ADD3: variants seen among roughly 807,000 people sequenced by gnomAD.
ADD3 encodes the protein gamma-adducin.
ADD3 carries 25 observed loss-of-function variants against 80.2 expected under a neutral mutation model. The observed-to-expected ratio is 0.31, with a 90% CI of 0.23 to 0.44. The LOEUF (loss-of-function observed/expected upper bound fraction) is 0.44, where lower values mean the gene tolerates loss of function less well. ADD3 is among the 20% of genes least tolerant of loss of function. The pLI, the probability that ADD3 is intolerant of heterozygous loss-of-function variation, is 1.00. For synonymous variants in ADD3, 284 were observed against 289.6 expected (o/e 0.98, Z 0.20); for missense variants, 829 against 847.5 (o/e 0.98, Z 0.27).
At chr10:110,123,941 T>G in intron 9 of ADD3, 76 bp from the exon 10 acceptor site, 1 of 1,437,882 alleles carries the variant, frequency 7.0e-7, no homozygotes, top group South Asian at 1.3e-5. Context: ...ATCATTTGTA[T>G]ACAAAAGGAA....
chr10:110,082,123 G>A (rs1846128579), intron 1 of ADD3, among the ~76,000 whole-genome samples: 1 of 152,112 alleles, frequency 6.6e-6, no homozygotes. Flanking sequence ...AGGAAATGCT[G>A]TTTTTCAATG....
intron 1 of ADD3, among the ~76,000 whole-genome samples, chr10:110,027,449 A>G (rs1174105264): frequency 1.3e-5 from 2 of 152,370 alleles, no homozygotes; most frequent in East Asian, 3.9e-4. Context: ...AAATTTTTAA[A>G]GAAACGGGCG....
At chr10:109,998,661 A>T (rs61881586) in intron 1 of ADD3, among the ~76,000 whole-genome samples, 1 of 151,918 alleles carries the variant, frequency 6.6e-6, no homozygotes, top group Non-Finnish European at 1.5e-5. Context: ...TCCTTCAGTC[A>T]CAGTGTTTGA....
intron 1 of ADD3, among the ~76,000 whole-genome samples, chr10:110,063,772 TATATATATATAA>T (rs1329149438): frequency 7.8e-5 from 9 of 115,188 alleles, no homozygotes; most frequent in South Asian, 5.4e-4. Context: ...TATATATATA[TATATATATATAA>T]AGTGAACACC....
intron 1 of ADD3, among the ~76,000 whole-genome samples, chr10:110,000,494 A>C (rs1382556197): frequency 2.0e-5 from 3 of 152,244 alleles, no homozygotes; most frequent in Non-Finnish European, 4.4e-5. Flanking sequence ...TTGAGCACCT[A>C]CTATGTGCCA....
Position 110,126,410 on chromosome 10 carries a change from A to G in ADD3, c.1522-7A>G. On this transcript the variant is annotated splice_region_variant and splice_polypyrimidine_tract_variant and intron_variant, in intron 11 of 14. Coordinates refer to ENST00000356080, the MANE Select transcript of ADD3 (RefSeq NM_016824.5). ...AGAACTTTATATTGAATTGTTTTTC[A>G]ATTCAGATTCGGGAACAAAATCGAT... 1 of 1,611,018 alleles carries G rather than the reference A, an allele frequency of 6.2e-7. No homozygotes were observed. Among genetic ancestry groups the G allele is most frequent in the Non-Finnish European group, 8.5e-7 (1 of 1,178,068 alleles).
intron 1 of ADD3, among the ~76,000 whole-genome samples, chr10:110,000,070 C>T: frequency 6.6e-6 from 1 of 152,062 alleles, no homozygotes; most frequent in East Asian, 1.9e-4. Context: ...CAGGCATGCA[C>T]CATCATGCGC....
At chr10:110,131,913 G>C (rs529654776) in intron 13 of ADD3, among the ~76,000 whole-genome samples, 45 of 152,218 alleles carry the variant, frequency 3.0e-4, no homozygotes, top group African/African-American at 1.1e-3. Flanking sequence ...ATTAAATATT[G>C]TTCAAAAATT....
chr10:110,077,892 A>G (rs10787223), intron 1 of ADD3, among the ~76,000 whole-genome samples: 80,274 of 151,760 alleles, frequency 0.53, 23,556 homozygotes, highest in East Asian at 0.78. Context: ...GTGGGCATGT[A>G]GAGAGAGAGA....
At chr10:110,023,732 T>C (rs1053005421) in intron 1 of ADD3, among the ~76,000 whole-genome samples, 2 of 152,250 alleles carry the variant, frequency 1.3e-5, no homozygotes, top group Admixed American at 6.5e-5. Context: ...TGCTCAAGTG[T>C]TACCCAATCG....
At chr10:110,000,766 T>A (rs1851469481) in intron 1 of ADD3, among the ~76,000 whole-genome samples, 1 of 152,222 alleles carries the variant, frequency 6.6e-6, no homozygotes, top group Admixed American at 6.5e-5. Flanking sequence ...GGCAAGTTAC[T>A]TATTCTCTCC....
At chr10:110,108,748 CAT>C (rs1382908119) in intron 2 of ADD3, among the ~76,000 whole-genome samples, 4 of 152,044 alleles carry the variant, frequency 2.6e-5, no homozygotes, top group African/African-American at 7.2e-5. Flanking sequence ...ACATTTGAAA[CAT>C]GTAAAAATGA....
intron 1 of ADD3, among the ~76,000 whole-genome samples, chr10:110,094,564 G>T (rs1340999605): frequency 2.0e-5 from 3 of 152,016 alleles, no homozygotes; most frequent in Admixed American, 1.3e-4. Flanking sequence ...GTTCATTTGG[G>T]TTTTTTCTCC....
intron 1 of ADD3, among the ~76,000 whole-genome samples, chr10:110,073,795 A>G (rs1845057750): frequency 6.6e-6 from 1 of 152,180 alleles, no homozygotes; most frequent in African/African-American, 2.4e-5. Flanking sequence ...CTAAGCTCTA[A>G]GCTCTGTGCT....
At chr10:110,040,454 G>T (rs1856170852) in intron 1 of ADD3, among the ~76,000 whole-genome samples, 1 of 152,156 alleles carries the variant, frequency 6.6e-6, no homozygotes, top group Non-Finnish European at 1.5e-5. Context: ...AGTAATTTTT[G>T]ATGATTATCA....
intron 1 of ADD3, among the ~76,000 whole-genome samples, chr10:110,068,639 A>G (rs1844283429): frequency 6.6e-6 from 1 of 152,132 alleles, no homozygotes; most frequent in African/African-American, 2.4e-5. Flanking sequence ...AGGATTTCCT[A>G]CTCCAGGATT....
chr10:110,125,425 C>G (rs1265060782), intron 10 of ADD3, among the ~76,000 whole-genome samples: 2 of 139,004 alleles, frequency 1.4e-5, no homozygotes, highest in Non-Finnish European at 3.0e-5. Context: ...TAAGATATTT[C>G]TTAAGTTTTT....
intron 1 of ADD3, among the ~76,000 whole-genome samples, chr10:110,078,397 A>G (rs923592461): frequency 6.6e-6 from 1 of 152,214 alleles, no homozygotes; most frequent in African/African-American, 2.4e-5. Context: ...AAATGTTTGG[A>G]TGTTAACTCA....
In ADD3 at chr10:110,080,782, G is replaced by T. The variant is rs528519235; in HGVS notation, c.-29-19843G>T. ...GCCCTTTAATCCATCTCCTTGTTTCGTTAAATGCTAAAACTGACATTACTT... is the reference window on the plus strand; with the variant it reads ...GCCCTTTAATCCATCTCCTTGTTTCTTTAAATGCTAAAACTGACATTACTT... On this transcript the variant is annotated intron_variant, in intron 1 of 14. Coordinates refer to ENST00000356080, the MANE Select transcript of ADD3 (RefSeq NM_016824.5). 8.0e-4 allele frequency among the ~76,000 whole-genome samples: 121 copies of T among 152,168 alleles called. 1 individual carries two copies. Among genetic ancestry groups the T allele is most frequent in the African/African-American group, 2.8e-3 (117 of 41,510 alleles).
Sources: gnomAD v4.1 joint callset for allele counts (sites outside exome capture counted in the v4.1 genomes callset) on GRCh38, gnomAD v4.1.1 for gene constraint, MANE v1.5 for transcripts, NCBI Gene and HGNC (gene_info 2026-07-23, HGNC 2026-07-21) for gene names.